IFI44L: variants seen among roughly 807,000 people sequenced by gnomAD.
The protein encoded by IFI44L is interferon-induced protein 44-like.
IFI44L carries 40 observed loss-of-function variants against 39.3 expected under a neutral mutation model. That is an observed-to-expected ratio of 1.02 (90% confidence interval 0.79 to 1.33). The LOEUF (loss-of-function observed/expected upper bound fraction) is 1.33. IFI44L is among the 40% of genes most tolerant of loss of function. IFI44L has a pLI of 0.00. For synonymous variants in IFI44L, 198 were observed against 182.3 expected, an observed-to-expected ratio of 1.09 and a Z score of -0.69; for missense variants, 623 against 549.0, an observed-to-expected ratio of 1.13 and a Z score of -1.35.
chr1:78,645,850 G>A lies in IFI44L; in HGVS notation c.*4041G>A, dbSNP rs1053375196. ...GGAGAAAATGGGCCAGTGAGATCATGGATATAGAAGTACAGTCAATGTTCA... is the reference window on the plus strand; with the variant it reads ...GGAGAAAATGGGCCAGTGAGATCATAGATATAGAAGTACAGTCAATGTTCA... On this transcript the variant is annotated 3_prime_UTR_variant, in exon 9 of 9. Transcript: ENST00000370751. 10 of 152,176 alleles carry A rather than the reference G, an allele frequency of 6.6e-5. No individual in the cohort carries two copies. The highest frequency in any genetic ancestry group is 2.4e-4 in the African/African-American group (10 of 41,448). 9.4% of individuals were successfully genotyped at this position (152,176 alleles called of 1,614,324 possible). A position where few individuals can be genotyped will look rare whatever the true frequency, so the allele number is the denominator to read the frequency against.
chr1:78,625,962 T>TTTC (rs1652469687), intron 1 of IFI44L: 1 of 151,918 alleles, frequency 6.6e-6, no homozygotes, highest in Admixed American at 6.6e-5. Context: ...AATTCTGGCA[T>TTTC]ATACTGTCTG....
chr1:78,629,741 A>T lies in IFI44L; in HGVS notation c.549A>T (p.Ala183=). The T allele has an allele frequency of 6.2e-7, 1 of 1,612,210 alleles. No individual in the cohort carries two copies. Among genetic ancestry groups the T allele is most frequent in the Non-Finnish European group, 8.5e-7 (1 of 1,179,182 alleles). The change falls in exon 4 of 9, where the codon GCA becomes GCT. Residue 183 remains alanine (A), a synonymous_variant. Coordinates refer to ENST00000370751, the MANE Select transcript of IFI44L (RefSeq NM_006820.4). ...ACAGGCACAGAAATAGGCTTCTAGC[A>T]GACATCAGAGACTATAGGCCCTATG... ...KAREHRNRLL[A]DIRDYRPYAD...
rs967733183 is a variant in IFI44L at position 78,636,866 on chromosome 1, C to G, written c.877-166C>G. 5.5e-6 allele frequency: 3 copies of G among 541,704 alleles called. No individual in the cohort carries two copies. The Admixed American group carries it at 1.1e-4, about 20-fold the overall frequency. 33.6% of individuals were successfully genotyped at this position (541,704 alleles called of 1,614,324 possible). On this transcript the variant is annotated intron_variant, in intron 5 of 8. Coordinates refer to ENST00000370751, the MANE Select transcript of IFI44L (RefSeq NM_006820.4). Reference sequence around the variant, plus strand: ...ATAAGAGAGATATAATGGCATTATGCTCACAGTGGAAAGGAAGTAAAGAGG... The same window carrying G: ...ATAAGAGAGATATAATGGCATTATGGTCACAGTGGAAAGGAAGTAAAGAGG...
At position 78,641,017 on chromosome 1, in the gene IFI44L, A is replaced by G. The variant is rs765908828; in HGVS notation, c.1049-4A>G. 6.3e-7 allele frequency: 1 copy of G among 1,592,748 alleles called. No homozygotes were observed. The highest frequency in any genetic ancestry group is 2.2e-5 in the East Asian group (1 of 44,698). On this transcript the variant is annotated splice_polypyrimidine_tract_variant and splice_region_variant and intron_variant, in intron 6 of 8. Coordinates refer to ENST00000370751, the MANE Select transcript of IFI44L (RefSeq NM_006820.4). ...AAAATAACTGATTTATCTATTTGAT[A>G]TAGGTATAGCATATGTGGCCTTGCT...
At chr1:78,626,011 T>C (rs1652472725) in intron 1 of IFI44L, 1 of 151,964 alleles carries the variant, frequency 6.6e-6, no homozygotes, top group South Asian at 2.1e-4. Flanking sequence ...TGAGACTTGC[T>C]TGCTTTTTAA....
intron 6 of IFI44L, among the ~76,000 whole-genome samples, chr1:78,639,217 T>A (rs1236541998): frequency 6.6e-6 from 1 of 152,074 alleles, no homozygotes; most frequent in Non-Finnish European, 1.5e-5. Flanking sequence ...TAGCCTCCCT[T>A]GACACCATCA....
rs1341683948 is a variant in IFI44L, at chr1:78,641,972, G to A, written c.*163G>A. On this transcript the variant is annotated 3_prime_UTR_variant, in exon 9 of 9. Transcript: ENST00000370751. ...GTTCAAAGGCCAAAACCTGAGAAGC[G>A]GTGGGCTAAGATAGGTCCTACTGCA... 14 of 765,110 alleles carry A rather than the reference G, an allele frequency of 1.8e-5. No individual in the cohort carries two copies. Among genetic ancestry groups the A allele is most frequent in the Admixed American group, 5.6e-5 (3 of 53,346 alleles). The allele number at this position is 765,110 out of a possible 1,614,324, so 47.4% of individuals were successfully genotyped here.
At chr1:78,624,105 C>G (rs867873056) in intron 1 of IFI44L, among the ~76,000 whole-genome samples, 3 of 152,088 alleles carry the variant, frequency 2.0e-5, no homozygotes, top group Non-Finnish European at 2.9e-5. Flanking sequence ...GATTCTCCTA[C>G]TTCAGCCTTC....
chr1:78,641,776 T>A lies in IFI44L; in HGVS notation c.1326T>A (p.Gly442=), dbSNP rs1557691650. 4 of 1,613,706 alleles carry A rather than the reference T, an allele frequency of 2.5e-6. No homozygotes were observed. The highest frequency in any genetic ancestry group is 3.4e-6 in the Non-Finnish European group (4 of 1,179,678). The change falls in exon 9 of 9, where the codon GGT becomes GGA. Residue 442 remains glycine, a splice_region_variant and synonymous_variant. Coordinates refer to ENST00000370751, the MANE Select transcript of IFI44L (RefSeq NM_006820.4). ...FLEDLPLEET[G]AIERALQPCI ...CACTCTTGTTTGTTTCATTTTCAGG[T>A]GCAATTGAGAGAGCGTTACAGCCCT...
intron 1 of IFI44L, among the ~76,000 whole-genome samples, chr1:78,624,582 T>C (rs956824324): frequency 1.3e-5 from 2 of 152,194 alleles, no homozygotes; most frequent in African/African-American, 4.8e-5. Context: ...TGTATATGCC[T>C]ATTAGGTCCA....
rs147126504 is a variant in IFI44L at position 78,628,384 on chromosome 1, C to A, written c.469C>A (p.Arg157=). The A allele has an allele frequency of 6.5e-7, 1 of 1,548,324 alleles. No homozygotes were observed. The highest frequency in any genetic ancestry group is 8.7e-7 in the Non-Finnish European group (1 of 1,143,990). Reference sequence around the variant, plus strand: ...TCAGTATTTGGAATGTGAAGTTTTTCGAGTTGAAGGTTTGTAAAATTAGAT... The same window carrying A: ...TCAGTATTTGGAATGTGAAGTTTTTAGAGTTGAAGGTTTGTAAAATTAGAT... ...HRQYLECEVF[R]VEGIKDNLDD... The change falls in exon 2 of 9, where the codon CGA becomes AGA. Residue 157 remains arginine, a synonymous_variant. Coordinates refer to ENST00000370751, the MANE Select transcript of IFI44L (RefSeq NM_006820.4).
At position 78,641,522 on chromosome 1, in the gene IFI44L, A is replaced by G; in HGVS notation, c.1237A>G (p.Met413Val). The G allele has an allele frequency of 6.2e-7, 1 of 1,613,770 alleles. No individual in the cohort carries two copies. The highest frequency in any genetic ancestry group is 1.1e-5 in the South Asian group (1 of 91,070). ...NYASDLELDP[M>V]KDILILSALR... ...TGCTTCAGATTTGGAACTGGACCCC[A>G]TGAAGGATATTCTCATCCTCTCTGC... is the stretch of plus-strand genomic sequence containing the variant. Residue 413 changes from methionine (M) to valine (V), a missense_variant, in exon 8 of 9, where the codon ATG (methionine) becomes GTG (valine). Coordinates refer to ENST00000370751, the MANE Select transcript of IFI44L (RefSeq NM_006820.4).
intron 4 of IFI44L, among the ~76,000 whole-genome samples, chr1:78,635,119 T>G (rs764156376): frequency 6.6e-6 from 1 of 151,828 alleles, no homozygotes; most frequent in Non-Finnish European, 1.5e-5. Context: ...TTTTTTTCAG[T>G]TGTAATTTCC....
At chr1:78,637,943 G>T (rs527578027) in intron 6 of IFI44L, among the ~76,000 whole-genome samples, 1 of 151,980 alleles carries the variant, frequency 6.6e-6, no homozygotes, top group South Asian at 2.1e-4. Flanking sequence ...TTCCTCTGGG[G>T]TACATCTCCA....
chr1:78,625,274 G>A (rs1652443018), intron 1 of IFI44L, among the ~76,000 whole-genome samples: 1 of 152,016 alleles, frequency 6.6e-6, no homozygotes, highest in Non-Finnish European at 1.5e-5. Context: ...TCTGATCCTT[G>A]AGTTTTCTTG....
intron 2 of IFI44L, chr1:78,628,612 T>C (rs886501829): frequency 1.1e-5 from 6 of 536,924 alleles, no homozygotes; most frequent in Non-Finnish European, 1.6e-5. Context: ...TTGAGAAATA[T>C]ATGTGCAGAG....
intron 1 of IFI44L, chr1:78,627,050 A>G (rs1277645208): frequency 6.6e-6 from 1 of 152,094 alleles, no homozygotes; most frequent in East Asian, 1.9e-4. Context: ...CCCTAACTCT[A>G]TGAATCTAGC....
intron 1 of IFI44L, among the ~76,000 whole-genome samples, chr1:78,625,370 G>A (rs1241938129): frequency 6.6e-6 from 1 of 151,774 alleles, no homozygotes; most frequent in Non-Finnish European, 1.5e-5. Context: ...TGTCAGCTTT[G>A]GTAAGTTGTA....
chr1:78,635,667 T>G, intron 5 of IFI44L, 178 bp downstream of exon 5: 1 of 603,382 alleles, frequency 1.7e-6, no homozygotes, highest in Non-Finnish European at 2.8e-6. Context: ...ATTGTTCTTT[T>G]CTGTAACATT....
Sources: gnomAD v4.1 joint callset for allele counts (sites outside exome capture counted in the v4.1 genomes callset) on GRCh38, gnomAD v4.1.1 for gene constraint, MANE v1.5 for transcripts, NCBI Gene and HGNC (gene_info 2026-07-23, HGNC 2026-07-21) for gene names.